Variants in C7orf78 observed in about 807,000 individuals in gnomAD.
C7orf78 encodes the protein chromosome 7 open reading frame 78.
At chr7:12,512,902 G>A in the C7orf78 span, among the ~76,000 whole-genome samples, 3 of 151,922 alleles carry the variant, frequency 2.0e-5, no homozygotes, top group African/African-American at 2.4e-5. Flanking sequence ...AATTTTAGTC[G>A]GTTGTATGCC....
the C7orf78 span, chr7:12,483,644 A>C: frequency 2.7e-5 from 4 of 150,716 alleles, no homozygotes; most frequent in African/African-American, 9.8e-5. Context: ...CTGAGGCGGG[A>C]GGATCATGAG....
At chr7:12,484,753 A>G in the C7orf78 span, among the ~76,000 whole-genome samples, 1 of 152,172 alleles carries the variant, frequency 6.6e-6, no homozygotes, top group African/African-American at 2.4e-5. Flanking sequence ...TACTTTTATT[A>G]GTACAGCATT....
chr7:12,498,772 C>G, the C7orf78 span, among the ~76,000 whole-genome samples: 1 of 148,932 alleles, frequency 6.7e-6, no homozygotes, highest in Non-Finnish European at 1.5e-5. Context: ...AACTCCAAGA[C>G]ACATAATTGT....
the C7orf78 span, among the ~76,000 whole-genome samples, chr7:12,514,765 CCCTTT>C: frequency 6.6e-6 from 1 of 151,984 alleles, no homozygotes; most frequent in Non-Finnish European, 1.5e-5. Flanking sequence ...CTGATCCTTT[CCCTTT>C]CAAGTTTAGG....
chr7:12,533,917 G>A, the C7orf78 span, among the ~76,000 whole-genome samples: 1 of 152,126 alleles, frequency 6.6e-6, no homozygotes, highest in Admixed American at 6.5e-5. Context: ...ACTTTCATAG[G>A]TGTCACTGGG....
chr7:12,526,415 T>G, the C7orf78 span, among the ~76,000 whole-genome samples: 1 of 152,100 alleles, frequency 6.6e-6, no homozygotes, highest in African/African-American at 2.4e-5. Context: ...TAATTCAGAG[T>G]TAATTTGTAT....
chr7:12,495,688 A>G, the C7orf78 span, among the ~76,000 whole-genome samples: 5 of 152,094 alleles, frequency 3.3e-5, no homozygotes, highest in African/African-American at 9.7e-5. Flanking sequence ...TTTAAAGCCT[A>G]TTTTACTTCT....
chr7:12,503,327 T>G, the C7orf78 span, among the ~76,000 whole-genome samples: 1 of 152,078 alleles, frequency 6.6e-6, no homozygotes, highest in African/African-American at 2.4e-5. Flanking sequence ...GGATATTCAA[T>G]AATACCAATG....
At chr7:12,503,593 A>G in the C7orf78 span, among the ~76,000 whole-genome samples, 14 of 151,810 alleles carry the variant, frequency 9.2e-5, no homozygotes, top group South Asian at 2.9e-3. Flanking sequence ...TTTTGTATAT[A>G]TTTGAAGTTT....
the C7orf78 span, among the ~76,000 whole-genome samples, chr7:12,525,250 C>T: frequency 6.6e-6 from 1 of 151,976 alleles, no homozygotes; most frequent in Non-Finnish European, 1.5e-5. Context: ...TTGATCAGTT[C>T]TTGGAGTGTA....
the C7orf78 span, among the ~76,000 whole-genome samples, chr7:12,526,686 T>G: frequency 6.6e-6 from 1 of 152,200 alleles, no homozygotes; most frequent in African/African-American, 2.4e-5. Flanking sequence ...GCTGTGTAAT[T>G]GAAATGGAAC....
At chr7:12,487,448 G>T in the C7orf78 span, among the ~76,000 whole-genome samples, 1 of 152,056 alleles carries the variant, frequency 6.6e-6, no homozygotes, top group Non-Finnish European at 1.5e-5. Flanking sequence ...CCTGGCGTCT[G>T]ATCTCAGCAA....
chr7:12,531,814 A>G, the C7orf78 span, among the ~76,000 whole-genome samples: 1 of 152,194 alleles, frequency 6.6e-6, no homozygotes, highest in African/African-American at 2.4e-5. Flanking sequence ...GTTAAGGAGC[A>G]GAAAGTTTAA....
the C7orf78 span, among the ~76,000 whole-genome samples, chr7:12,524,397 G>A: frequency 1.3e-5 from 2 of 151,916 alleles, no homozygotes; most frequent in African/African-American, 2.4e-5. Context: ...ACTTATTCAG[G>A]GCATCTAAAT....
the C7orf78 span, among the ~76,000 whole-genome samples, chr7:12,526,496 A>G: frequency 6.6e-6 from 1 of 152,152 alleles, no homozygotes; most frequent in Non-Finnish European, 1.5e-5. Context: ...ATAATTATAT[A>G]TAAATTAACC....
the C7orf78 span, among the ~76,000 whole-genome samples, chr7:12,531,767 T>C: frequency 2.3e-4 from 35 of 152,040 alleles, no homozygotes; most frequent in Non-Finnish European, 2.2e-4. Context: ...TTGTCTTGTG[T>C]TGAGAAAGAA....
chr7:12,510,916 T>C, the C7orf78 span, among the ~76,000 whole-genome samples: 1 of 152,202 alleles, frequency 6.6e-6, no homozygotes, highest in Admixed American at 6.5e-5. Flanking sequence ...TCTATTTTTG[T>C]TTTTGTTAGT....
At chr7:12,533,960 T>G in the C7orf78 span, among the ~76,000 whole-genome samples, 1 of 152,236 alleles carries the variant, frequency 6.6e-6, no homozygotes, top group Non-Finnish European at 1.5e-5. Flanking sequence ...TACCTCAGTA[T>G]TTCACAGGCT....
the C7orf78 span, among the ~76,000 whole-genome samples, chr7:12,533,636 C>G: frequency 6.6e-6 from 1 of 151,848 alleles, no homozygotes; most frequent in Non-Finnish European, 1.5e-5. Context: ...CCTGCCTCAG[C>G]CTCCAGAGTA....
Sources: gnomAD v4.1 joint callset for allele counts (sites outside exome capture counted in the v4.1 genomes callset) on GRCh38, gnomAD v4.1.1 for gene constraint, MANE v1.5 for transcripts, NCBI Gene and HGNC (gene_info 2026-07-23, HGNC 2026-07-21) for gene names.